RNASE13: variants seen among roughly 807,000 people sequenced by gnomAD.
RNASE13 encodes the protein probable inactive ribonuclease-like protein 13.
For synonymous variants in RNASE13, 67 were observed against 71.6 expected (o/e 0.94, Z 0.32); for missense variants, 188 against 192.8 (o/e 0.98, Z 0.15).
At position 21,034,641 on chromosome 14, in the gene RNASE13, A is replaced by C; in HGVS notation, c.-9+15T>G. 4.3e-6 allele frequency: 1 copy of C among 232,366 alleles called. No individual in the cohort carries two copies. The highest frequency in any genetic ancestry group is 9.1e-5 in the East Asian group (1 of 11,016). The allele number at this position is 232,366 out of a possible 1,614,324, so 14.4% of individuals were successfully genotyped here. ...CTAGTAAAAAATGCAGAGAAGAAAG[A>C]AGGAGCAGGCTGACCTGACAATTCT... is the stretch of plus-strand genomic sequence containing the variant. On this transcript the variant is annotated intron_variant, in intron 1 of 1. Transcript: ENST00000382951.
Position 21,033,893 on chromosome 14 carries a change from C to T in RNASE13, c.396G>A (p.Gln132=). Residue 132 remains glutamine, a synonymous_variant, in exon 2 of 2, where the codon CAG becomes CAA. Transcript: ENST00000382951. ...SCYYNSTLTN[Q]KLYLLCSRKY... ...TGCGGGAGCAGAGTAGGTAGAGCTT[C>T]TGGTTGGTTAGGGTGCTATTGTAGT... The T allele has an allele frequency of 6.2e-7, 1 of 1,614,064 alleles. No homozygotes were observed. Among genetic ancestry groups the T allele is most frequent in the Non-Finnish European group, 8.5e-7 (1 of 1,179,992 alleles).
At position 21,033,160 on chromosome 14, in the gene RNASE13, G is replaced by T. The variant is rs760999881; in HGVS notation, c.*658C>A. On this transcript the variant is annotated 3_prime_UTR_variant, in exon 2 of 2. Coordinates refer to ENST00000382951, the MANE Select transcript of RNASE13 (RefSeq NM_001012264.4). ...AAGAGGTTGGAAAAAGGAAGGCAGGGTGACTACGGTTGTTGGGAGTGTGGG... is the reference window on the plus strand; with the variant it reads ...AAGAGGTTGGAAAAAGGAAGGCAGGTTGACTACGGTTGTTGGGAGTGTGGG... 5.4e-6 allele frequency: 2 copies of T among 373,686 alleles called. No individual in the cohort carries two copies. The highest frequency in any genetic ancestry group is 2.1e-5 in the African/African-American group (1 of 46,958). The allele number at this position is 373,686 out of a possible 1,614,324, so 23.1% of individuals were successfully genotyped here.
Position 21,034,262 on chromosome 14 carries a change from A to T in RNASE13, c.27T>A (p.Leu9=). ...TTGGCCCCAGAACAAGCTGGAGGAA[A>T]AGGAGCCGGGTCACAGCTGGTGCCA... MAPAVTRL[L]FLQLVLGPTL... The change falls in exon 2 of 2, where the codon CTT becomes CTA. Residue 9 remains leucine, a synonymous_variant. Transcript: ENST00000382951. The T allele has an allele frequency of 6.2e-7, 1 of 1,613,292 alleles. No homozygotes were observed. Among genetic ancestry groups the T allele is most frequent in the Non-Finnish European group, 8.5e-7 (1 of 1,179,568 alleles).
rs1044760436 is a variant in RNASE13, at chr14:21,033,683, C to T, written c.*135G>A. 30 of 685,850 alleles carry T rather than the reference C, an allele frequency of 4.4e-5. No individual in the cohort carries two copies. Among genetic ancestry groups the T allele is most frequent in the African/African-American group, 3.7e-4 (21 of 56,438 alleles). 42.5% of individuals were successfully genotyped at this position (685,850 alleles called of 1,614,324 possible). On this transcript the variant is annotated 3_prime_UTR_variant, in exon 2 of 2. Transcript: ENST00000382951. ...TGGTGATCAAAGCCCTGGACATTTT[C>T]GCACCCACCTGGTCTCTTGGGAGGG...
In RNASE13 at chr14:21,034,316, T is replaced by C; in HGVS notation, c.-8-20A>G. The stretch of plus-strand genomic sequence containing the variant: ...CTCCTGCTGGTAGAGTTAAGGTGGT[T>C]GGGGGCAGCAGTGGGCCTGAAGTGG... On this transcript the variant is annotated intron_variant, in intron 1 of 1. Coordinates refer to ENST00000382951, the MANE Select transcript of RNASE13 (RefSeq NM_001012264.4). The C allele has an allele frequency of 6.4e-7, 1 of 1,569,126 alleles. No homozygotes were observed. The highest frequency in any genetic ancestry group is 8.7e-7 in the Non-Finnish European group (1 of 1,150,044).
At chr14:21,034,398 C>A in intron 1 of RNASE13, 102 bp from the exon 2 acceptor site, 1 of 771,520 alleles carries the variant, frequency 1.3e-6, no homozygotes, top group South Asian at 1.8e-5. Context: ...CTTTAGAGAT[C>A]ATCTCACCCA....
chr14:21,034,257 AG>A lies in RNASE13; in HGVS notation c.31del (p.Leu11SerfsTer25). On this transcript the variant is annotated frameshift_variant, in exon 2 of 2. Coordinates refer to ENST00000382951, the MANE Select transcript of RNASE13 (RefSeq NM_001012264.4). LOFTEE classifies it low-confidence loss of function (END_TRUNC). ...CAGAGTTGGCCCCAGAACAAGCTGG[AG>A]GAAAAGGAGCCGGGTCACAGCTGGT... MAPAVTRLLF[L>X]QLVLGPTLVM... The A allele has an allele frequency of 6.2e-7, 1 of 1,613,520 alleles. No homozygotes were observed. Among genetic ancestry groups the A allele is most frequent in the Non-Finnish European group, 8.5e-7 (1 of 1,179,688 alleles).
In RNASE13 at chr14:21,033,612, G is replaced by C. The variant is rs1884398466; in HGVS notation, c.*206C>G. The C allele has an allele frequency of 3.3e-6, 2 of 597,528 alleles. No homozygotes were observed. Among genetic ancestry groups the C allele is most frequent in the East Asian group, 2.8e-5 (1 of 35,960 alleles). 37.0% of individuals were successfully genotyped at this position (597,528 alleles called of 1,614,324 possible). A position where few individuals can be genotyped will look rare whatever the true frequency, so the allele number is the denominator to read the frequency against. ...ATGATGAGGAGGTGGGGGCGAAGAG[G>C]GGGTAAACAAGCTGGAAAGAACCTA... On this transcript the variant is annotated 3_prime_UTR_variant, in exon 2 of 2. Transcript: ENST00000382951.
chr14:21,033,420 T>G lies in RNASE13; in HGVS notation c.*398A>C. 3.6e-6 allele frequency: 1 copy of G among 279,788 alleles called. No homozygotes were observed. Among genetic ancestry groups the G allele is most frequent in the Non-Finnish European group, 6.9e-6 (1 of 145,518 alleles). The allele number at this position is 279,788 out of a possible 1,614,324, so 17.3% of individuals were successfully genotyped here. A position where few individuals can be genotyped will look rare whatever the true frequency, so the allele number is the denominator to read the frequency against. The stretch of plus-strand genomic sequence containing the variant: ...GGGGAGGCTGACATGAGAAGGCTGG[T>G]GGGGATGGGGAGGTGAGACTCGGAG... On this transcript the variant is annotated 3_prime_UTR_variant, in exon 2 of 2. Transcript: ENST00000382951.
chr14:21,033,159 G>A lies in RNASE13; in HGVS notation c.*659C>T, dbSNP rs1052128374. The A allele has an allele frequency of 2.7e-6, 1 of 373,420 alleles. No individual in the cohort carries two copies. The highest frequency in any genetic ancestry group is 2.1e-5 in the African/African-American group (1 of 47,044). The allele number at this position is 373,420 out of a possible 1,614,324, so 23.1% of individuals were successfully genotyped here. On this transcript the variant is annotated 3_prime_UTR_variant, in exon 2 of 2. Coordinates refer to ENST00000382951, the MANE Select transcript of RNASE13 (RefSeq NM_001012264.4). ...AAAGAGGTTGGAAAAAGGAAGGCAG[G>A]GTGACTACGGTTGTTGGGAGTGTGG... is the stretch of plus-strand genomic sequence containing the variant.
Position 21,033,976 on chromosome 14 carries a change from C to G in RNASE13, c.313G>C (p.Asp105His), listed in dbSNP as rs1448238302. The change falls in exon 2 of 2, where the codon GAT becomes CAT. Residue 105 changes from aspartate (D) to histidine (H), a missense_variant. Coordinates refer to ENST00000382951, the MANE Select transcript of RNASE13 (RefSeq NM_001012264.4). Reference protein sequence around the residue: ...NYNEYCTLTQDSLPITVCSLS... With the variant: ...NYNEYCTLTQHSLPITVCSLS... Reference sequence around the variant, plus strand: ...GAGCAGACCGTGATGGGGAGGGAATCCTGGGTGAGTGTGCAGTATTCATTG... The same window carrying G: ...GAGCAGACCGTGATGGGGAGGGAATGCTGGGTGAGTGTGCAGTATTCATTG... The G allele has an allele frequency of 3.7e-6, 6 of 1,613,874 alleles. No homozygotes were observed. In the African/African-American group the frequency reaches 8.0e-5, roughly 22 times the overall value.
In RNASE13 at chr14:21,033,080, G is replaced by T. The variant is rs771029764; in HGVS notation, c.*738C>A. 2.3e-6 allele frequency: 1 copy of T among 432,878 alleles called. No homozygotes were observed. The highest frequency in any genetic ancestry group is 2.7e-5 in the Admixed American group (1 of 36,520). 26.8% of individuals were successfully genotyped at this position (432,878 alleles called of 1,614,324 possible). The stretch of plus-strand genomic sequence containing the variant: ...GGAAGCAGGAACCTCTGGGGAATGG[G>T]TGAGAGAAGATACCTTGAAATGCCA... On this transcript the variant is annotated 3_prime_UTR_variant, in exon 2 of 2. Transcript: ENST00000382951.
chr14:21,033,069 C>A lies in RNASE13; in HGVS notation c.*749G>T, dbSNP rs1312655804. 2 of 447,532 alleles carry A rather than the reference C, an allele frequency of 4.5e-6. No homozygotes were observed. The highest frequency in any genetic ancestry group is 8.9e-6 in the Non-Finnish European group (2 of 224,136). The allele number at this position is 447,532 out of a possible 1,614,324, so 27.7% of individuals were successfully genotyped here. ...TGGAAGAGAAGGGAAGCAGGAACCT[C>A]TGGGGAATGGGTGAGAGAAGATACC... On this transcript the variant is annotated 3_prime_UTR_variant, in exon 2 of 2. Transcript: ENST00000382951.
At chr14:21,034,564 G>T (rs1884490370) in intron 1 of RNASE13, 92 bp downstream of exon 1, 1 of 404,860 alleles carries the variant, frequency 2.5e-6, no homozygotes, top group Admixed American at 4.0e-5. Context: ...GCTCTAACTG[G>T]TCCTTGGGTG....
At position 21,033,962 on chromosome 14, in the gene RNASE13, G is replaced by T; in HGVS notation, c.327C>A (p.Ile109=). The T allele has an allele frequency of 6.2e-7, 1 of 1,614,084 alleles. No individual in the cohort carries two copies. Among genetic ancestry groups the T allele is most frequent in the South Asian group, 1.1e-5 (1 of 91,080 alleles). Residue 109 remains isoleucine (I), a synonymous_variant, in exon 2 of 2, where the codon ATC becomes ATA. Transcript: ENST00000382951. The part of the protein sequence containing the change: ...YCTLTQDSLP[I]TVCSLSHQQP... ...GTTGGTGGCTCAGGGAGCAGACCGT[G>T]ATGGGGAGGGAATCCTGGGTGAGTG...
Position 21,032,895 on chromosome 14 carries a change from TGTG to T in RNASE13, c.*920_*922del, listed in dbSNP as rs1255866428. Reference sequence around the variant, plus strand: ...CAAAAAATGGTACAGAGGGGGCTCGTGTGCCCTTCACCCAGTTTCCCCCAATGG... The same window carrying T: ...CAAAAAATGGTACAGAGGGGGCTCGTCCCTTCACCCAGTTTCCCCCAATGG... On this transcript the variant is annotated 3_prime_UTR_variant, in exon 2 of 2. Transcript: ENST00000382951. The T allele has an allele frequency of 6.6e-6, 3 of 454,218 alleles. No individual in the cohort carries two copies. The highest frequency in any genetic ancestry group is 6.0e-5 in the African/African-American group (3 of 49,936). The allele number at this position is 454,218 out of a possible 1,614,324, so 28.1% of individuals were successfully genotyped here. A position where few individuals can be genotyped will look rare whatever the true frequency, so the allele number is the denominator to read the frequency against.
Position 21,033,708 on chromosome 14 carries a change from G to A in RNASE13, c.*110C>T, listed in dbSNP as rs760799210. On this transcript the variant is annotated 3_prime_UTR_variant, in exon 2 of 2. Transcript: ENST00000382951. Reference sequence around the variant, plus strand: ...CGCACCCACCTGGTCTCTTGGGAGGGGACCCTGCCTGCCTCGTAAGTCAGG... The same window carrying A: ...CGCACCCACCTGGTCTCTTGGGAGGAGACCCTGCCTGCCTCGTAAGTCAGG... 2.1e-4 allele frequency: 166 copies of A among 807,690 alleles called. No homozygotes were observed. Among genetic ancestry groups the A allele is most frequent in the Non-Finnish European group, 3.3e-4 (151 of 459,980 alleles). The allele number at this position is 807,690 out of a possible 1,614,324, so 50.0% of individuals were successfully genotyped here. A position where few individuals can be genotyped will look rare whatever the true frequency, so the allele number is the denominator to read the frequency against.
chr14:21,033,920 G>C lies in RNASE13; in HGVS notation c.369C>G (p.Cys123Trp). 6.2e-7 allele frequency: 1 copy of C among 1,614,024 alleles called. No homozygotes were observed. Among genetic ancestry groups the C allele is most frequent in the Non-Finnish European group, 8.5e-7 (1 of 1,179,898 alleles). ...GGTTGGTTAGGGTGCTATTGTAGTA[G>C]CAGCTAGTGGGTGGCTGTTGGTGGC... ...SLSHQQPPTS[C>W]YYNSTLTNQK... Residue 123 changes from cysteine (C) to tryptophan (W), a missense_variant, in exon 2 of 2, where the codon TGC (cysteine) becomes TGG (tryptophan). Cys to Trp is a radical substitution (Grantham distance 215, BLOSUM62 -2). Transcript: ENST00000382951.
rs1278833539 is a variant in RNASE13, at chr14:21,033,085, A to G, written c.*733T>C. ...CAGGAACCTCTGGGGAATGGGTGAG[A>G]GAAGATACCTTGAAATGCCAGTGAG... On this transcript the variant is annotated 3_prime_UTR_variant, in exon 2 of 2. Transcript: ENST00000382951. 2.4e-6 allele frequency: 1 copy of G among 422,860 alleles called. No homozygotes were observed. The highest frequency in any genetic ancestry group is 4.6e-6 in the Non-Finnish European group (1 of 215,666). 26.2% of individuals were successfully genotyped at this position (422,860 alleles called of 1,614,324 possible). A position where few individuals can be genotyped will look rare whatever the true frequency, so the allele number is the denominator to read the frequency against.
Sources: allele counts gnomAD v4.1 joint callset, GRCh38; gene constraint gnomAD v4.1.1; transcripts MANE v1.5; gene names NCBI Gene and HGNC (gene_info 2026-07-23, HGNC 2026-07-21).